GPC6: variants seen among roughly 807,000 people sequenced by gnomAD.
GPC6 encodes the protein glypican 6.
A neutral mutation model predicts 55.2 loss-of-function variants in GPC6; 14 were observed. That is an observed-to-expected ratio of 0.25 (90% confidence interval 0.17 to 0.40). The LOEUF (loss-of-function observed/expected upper bound fraction) is 0.40. Ranked by LOEUF, GPC6 falls within the 10% of genes least tolerant of loss-of-function variation. GPC6 has a pLI of 1.00. For synonymous variants in GPC6, 278 were observed against 259.6 expected, an observed-to-expected ratio of 1.07 and a Z score of -0.68; for missense variants, 641 against 708.5, an observed-to-expected ratio of 0.90 and a Z score of 1.08.
intron 1 of GPC6, among the ~76,000 whole-genome samples, chr13:93,272,484 G>GTC (rs1362240652): frequency 1.8e-5 from 2 of 109,516 alleles, no homozygotes; most frequent in African/African-American, 7.9e-5. Context: ...GTGATTCATT[G>GTC]TCTGTGTGTA....
intron 2 of GPC6, among the ~76,000 whole-genome samples, chr13:93,683,773 G>C (rs979797590): frequency 6.6e-6 from 1 of 152,100 alleles, no homozygotes; most frequent in Admixed American, 6.6e-5. Context: ...AAGATTATTT[G>C]TTTTTAGTCC....
intron 4 of GPC6, among the ~76,000 whole-genome samples, chr13:94,185,813 C>A (rs192821744): frequency 5.1e-4 from 78 of 151,940 alleles, no homozygotes; most frequent in Middle Eastern, 3.4e-3. Context: ...AGGTTTTTAG[C>A]ACTTCAGGAG....
At chr13:94,123,857 T>C (rs1199880797) in intron 4 of GPC6, among the ~76,000 whole-genome samples, 1 of 152,058 alleles carries the variant, frequency 6.6e-6, no homozygotes, top group East Asian at 1.9e-4. Context: ...GAGCCCTGTT[T>C]ATCCAGTGTG....
At chr13:94,334,602 T>C (rs891039865) in intron 6 of GPC6, among the ~76,000 whole-genome samples, 4 of 152,182 alleles carry the variant, frequency 2.6e-5, no homozygotes, top group Non-Finnish European at 5.9e-5. Context: ...TCAAGCCCCA[T>C]TCCAGACCTA....
chr13:93,784,272 T>A (rs992853174), intron 2 of GPC6, among the ~76,000 whole-genome samples: 3 of 152,018 alleles, frequency 2.0e-5, no homozygotes, highest in African/African-American at 4.8e-5. Flanking sequence ...CTTCCTGGAG[T>A]CCAGCTCACA....
chr13:94,078,949 A>G (rs374161401), intron 4 of GPC6, among the ~76,000 whole-genome samples: 1 of 152,060 alleles, frequency 6.6e-6, no homozygotes, highest in East Asian at 1.9e-4. Context: ...ACAAGAAAAA[A>G]AAATTTTAGG....
At chr13:93,361,154 T>G (rs967352716) in intron 1 of GPC6, among the ~76,000 whole-genome samples, 1 of 152,134 alleles carries the variant, frequency 6.6e-6, no homozygotes, top group Non-Finnish European at 1.5e-5. Context: ...TGCCCTTGGT[T>G]CCTGTCACAG....
At chr13:93,739,576 C>T (rs1373418118) in intron 2 of GPC6, among the ~76,000 whole-genome samples, 1 of 151,940 alleles carries the variant, frequency 6.6e-6, no homozygotes, top group Non-Finnish European at 1.5e-5. Flanking sequence ...ACTACAGGCG[C>T]CTGCCACCAT....
intron 2 of GPC6, among the ~76,000 whole-genome samples, chr13:93,679,878 A>G (rs570897922): frequency 2.6e-5 from 4 of 152,182 alleles, no homozygotes; most frequent in Admixed American, 2.6e-4. Context: ...ATATGTGCAC[A>G]CATATTATTA....
chr13:93,561,764 G>A (rs926581426), intron 2 of GPC6, among the ~76,000 whole-genome samples: 1 of 152,074 alleles, frequency 6.6e-6, no homozygotes, highest in African/African-American at 2.4e-5. Context: ...AGCTGGCAAC[G>A]TTAGTATCCA....
At chr13:93,830,797 G>A (rs1348871285) in intron 3 of GPC6, 1 of 454,190 alleles carries the variant, frequency 2.2e-6, no homozygotes, top group East Asian at 4.3e-5. Context: ...CAGCAGTATA[G>A]CAGAGAAGCT....
intron 2 of GPC6, among the ~76,000 whole-genome samples, chr13:93,579,898 A>G (rs1455326261): frequency 6.6e-6 from 1 of 152,096 alleles, no homozygotes; most frequent in Non-Finnish European, 1.5e-5. Context: ...TTATCCATAG[A>G]CCCCTAAAAA....
chr13:94,125,734 TA>T lies in GPC6; in HGVS notation c.877+97843del, dbSNP rs1376378702. On this transcript the variant is annotated intron_variant, in intron 4 of 8. Transcript: ENST00000377047. The stretch of plus-strand genomic sequence containing the variant: ...CCAATTTCTTGCCTTTTTTTTTTTT[TA>T]AATACAAAATAGTTAAATGAAGTCA... Among the ~76,000 whole-genome samples the T allele has an allele frequency of 1.4e-3, 199 of 143,800 alleles. 4 individuals are homozygous for T. The highest frequency in any genetic ancestry group is 4.8e-3 in the African/African-American group (189 of 39,700). The allele number at this position is 143,800 out of a possible 152,430, so 94.3% of individuals were successfully genotyped here. A position where few individuals can be genotyped will look rare whatever the true frequency, so the allele number is the denominator to read the frequency against.
intron 4 of GPC6, among the ~76,000 whole-genome samples, chr13:94,218,309 A>G (rs140670763): frequency 1.6e-3 from 251 of 152,278 alleles, no homozygotes; most frequent in Middle Eastern, 6.8e-3. Flanking sequence ...CCTTTACTTC[A>G]TACAAACCAA....
chr13:93,515,019 A>G (rs1881132010), intron 1 of GPC6, among the ~76,000 whole-genome samples: 3 of 152,090 alleles, frequency 2.0e-5, no homozygotes. Context: ...TTGTGGGGTA[A>G]CCAGGTGATG....
At chr13:93,321,492 CCTT>C (rs757079240) in intron 1 of GPC6, among the ~76,000 whole-genome samples, 11 of 152,196 alleles carry the variant, frequency 7.2e-5, no homozygotes, top group Non-Finnish European at 1.3e-4. Flanking sequence ...ACTAAAAAAT[CCTT>C]CTCTGATTCC....
At chr13:94,001,409 T>C (rs919483214) in intron 3 of GPC6, among the ~76,000 whole-genome samples, 1 of 152,198 alleles carries the variant, frequency 6.6e-6, no homozygotes, top group Non-Finnish European at 1.5e-5. Context: ...ATTATAAATA[T>C]CTTGAACAAT....
intron 3 of GPC6, among the ~76,000 whole-genome samples, chr13:94,005,302 A>G (rs1417649123): frequency 6.6e-6 from 1 of 152,166 alleles, no homozygotes; most frequent in African/African-American, 2.4e-5. Context: ...ATTTTATTAT[A>G]TCAATTGGCA....
chr13:93,947,932 C>A (rs1879085467), intron 3 of GPC6, among the ~76,000 whole-genome samples: 1 of 152,120 alleles, frequency 6.6e-6, no homozygotes, highest in South Asian at 2.1e-4. Flanking sequence ...CTATTTTTCA[C>A]TTTTCAATTT....
Sources: allele counts gnomAD v4.1 joint callset (sites outside exome capture counted in the v4.1 genomes callset), GRCh38; gene constraint gnomAD v4.1.1; transcripts MANE v1.5; gene names NCBI Gene and HGNC (gene_info 2026-07-23, HGNC 2026-07-21).